RYR2: variants seen among roughly 807,000 people sequenced by gnomAD.
RYR2 encodes the protein cardiac muscle ryanodine receptor-calcium release channel.
Under a neutral mutation model 601.1 loss-of-function variants are expected in RYR2, and 227 were observed. That is an observed-to-expected ratio of 0.38 (90% CI 0.34 to 0.42). The LOEUF is 0.42. RYR2 is among the 10% of genes least tolerant of loss of function. The pLI, the probability that RYR2 is intolerant of heterozygous loss-of-function variation, is 1.00. For synonymous variants in RYR2, 2,223 were observed against 2,175.1 expected (o/e 1.02, Z -0.61); for missense variants, 4,646 against 6,156.5 (o/e 0.75, Z 8.21).
chr1:237,309,689 T>C (rs10925370), intron 2 of RYR2, among the ~76,000 whole-genome samples: 49,553 of 149,440 alleles, frequency 0.33, 8,362 homozygotes, highest in South Asian at 0.51. Context: ...GGGCGGCGCT[T>C]GTCGGGGAGG....
chr1:237,512,091 A>C (rs1665975703), intron 24 of RYR2, among the ~76,000 whole-genome samples: 1 of 152,170 alleles, frequency 6.6e-6, no homozygotes, highest in Non-Finnish European at 1.5e-5. Context: ...AGGTCCACAG[A>C]ATGTGGGCTG....
intron 10 of RYR2, among the ~76,000 whole-genome samples, chr1:237,389,501 G>A (rs527418776): frequency 1.3e-5 from 2 of 152,252 alleles, no homozygotes; most frequent in African/African-American, 4.8e-5. Context: ...TCTGAGTCAC[G>A]GAAATGAAAT....
Position 237,187,443 on chromosome 1 carries a change from C to CTTTTTTTTTTT in RYR2, c.49-83045_49-83035dup, listed in dbSNP as rs10686110. ...GGCGTGAGCCAACACGCCCGGCCGA[C>CTTTTTTTTTTT]TTTTTTTTTTTTTTTTTTTGAGACA... On this transcript the variant is annotated intron_variant, in intron 1 of 104. Transcript: ENST00000366574. Among the ~76,000 whole-genome samples the CTTTTTTTTTTT allele has an allele frequency of 1.0e-4, 9 of 86,762 alleles. 2 individuals carry two copies. Among genetic ancestry groups the CTTTTTTTTTTT allele is most frequent in the Admixed American group, 1.8e-4 (1 of 5,582 alleles). The allele number at this position is 86,762 out of a possible 152,430, so 56.9% of individuals were successfully genotyped here. A position where few individuals can be genotyped will look rare whatever the true frequency, so the allele number is the denominator to read the frequency against.
chr1:237,233,946 C>A (rs1375556807), intron 1 of RYR2, among the ~76,000 whole-genome samples: 5 of 152,096 alleles, frequency 3.3e-5, no homozygotes, highest in Non-Finnish European at 7.3e-5. Flanking sequence ...TCCACCTTGG[C>A]CTCCCAAAGT....
chr1:237,148,084 A>G (rs1674215822), intron 1 of RYR2, among the ~76,000 whole-genome samples: 1 of 152,148 alleles, frequency 6.6e-6, no homozygotes, highest in Non-Finnish European at 1.5e-5. Flanking sequence ...ATGTCGTGTC[A>G]CACATATATT....
intron 2 of RYR2, among the ~76,000 whole-genome samples, chr1:237,308,806 G>C (rs1020155503): frequency 5.9e-5 from 9 of 152,198 alleles, no homozygotes; most frequent in African/African-American, 1.9e-4. Flanking sequence ...GCCTCTGCTG[G>C]CTTGGGCAGC....
intron 29 of RYR2, among the ~76,000 whole-genome samples, chr1:237,582,009 G>A (rs1218385869): frequency 6.6e-6 from 1 of 152,152 alleles, no homozygotes; most frequent in Non-Finnish European, 1.5e-5. Flanking sequence ...GTCTAGTTCA[G>A]TTCTAAGATT....
intron 39 of RYR2, among the ~76,000 whole-genome samples, 171 bp from the exon 40 acceptor site, chr1:237,625,490 G>A (rs925696709): frequency 2.6e-5 from 4 of 152,206 alleles, no homozygotes; most frequent in African/African-American, 9.6e-5. Context: ...AAAAGAGGCT[G>A]ACCAGTGAAT....
intron 21 of RYR2, among the ~76,000 whole-genome samples, chr1:237,501,746 T>A (rs1664662413): frequency 6.6e-6 from 1 of 152,230 alleles, no homozygotes; most frequent in South Asian, 2.1e-4. Flanking sequence ...TTATACAAAT[T>A]ATGTTTCTAT....
chr1:237,107,163 G>A (rs1453412911), intron 1 of RYR2, among the ~76,000 whole-genome samples: 1 of 152,108 alleles, frequency 6.6e-6, no homozygotes, highest in Non-Finnish European at 1.5e-5. Context: ...ATTAAACAAT[G>A]ACATCAAAAC....
chr1:237,150,607 A>G lies in RYR2; in HGVS notation c.48+108038A>G, dbSNP rs1890152. 5.6e-3 allele frequency among the ~76,000 whole-genome samples: 857 copies of G among 152,320 alleles called. 9 individuals are homozygous for G. The highest frequency in any genetic ancestry group is 0.019 in the African/African-American group (807 of 41,582). On this transcript the variant is annotated intron_variant, in intron 1 of 104. Transcript: ENST00000366574. ...AAAGAACACATAGCATAGTCTGTAC[A>G]AACATCTCCTGTATTCTATGAAAGA... is the stretch of plus-strand genomic sequence containing the variant.
At chr1:237,242,238 G>A (rs1490498747) in intron 1 of RYR2, among the ~76,000 whole-genome samples, 1 of 150,054 alleles carries the variant, frequency 6.7e-6, no homozygotes, top group Non-Finnish European at 1.5e-5. Context: ...CAGGTTTGGG[G>A]CAATAAAATC....
chr1:237,116,227 C>T (rs1422332242), intron 1 of RYR2, among the ~76,000 whole-genome samples: 4 of 152,124 alleles, frequency 2.6e-5, no homozygotes, highest in Non-Finnish European at 4.4e-5. Flanking sequence ...ACGACTTGCC[C>T]AACCACTTAC....
At chr1:237,567,043 T>C (rs1421828629) in intron 28 of RYR2, among the ~76,000 whole-genome samples, 1 of 152,142 alleles carries the variant, frequency 6.6e-6, no homozygotes. Flanking sequence ...GATACATATG[T>C]AGAGGAAAAA....
chr1:237,694,676 T>A (rs925914318), intron 63 of RYR2, among the ~76,000 whole-genome samples: 3 of 152,234 alleles, frequency 2.0e-5, no homozygotes, highest in African/African-American at 7.2e-5. Context: ...TTCTTTCAGT[T>A]GAACATAGCA....
chr1:237,458,147 A>G (rs1008998062), intron 16 of RYR2, among the ~76,000 whole-genome samples: 1 of 152,062 alleles, frequency 6.6e-6, no homozygotes, highest in Non-Finnish European at 1.5e-5. Context: ...ACTCTTGATA[A>G]CCGGGCACAG....
At chr1:237,711,335 T>G (rs1008835193) in intron 70 of RYR2, among the ~76,000 whole-genome samples, 1 of 152,220 alleles carries the variant, frequency 6.6e-6, no homozygotes, top group Admixed American at 6.5e-5. Context: ...AATGATATGG[T>G]ATTTTAAAAA....
chr1:237,476,438 A>C, intron 17 of RYR2, among the ~76,000 whole-genome samples: 1 of 132,928 alleles, frequency 7.5e-6, no homozygotes, highest in African/African-American at 2.9e-5. Flanking sequence ...TGAACCTGGG[A>C]GGTGGAGGTT....
chr1:237,475,785 A>G (rs1019762227), intron 17 of RYR2, among the ~76,000 whole-genome samples: 1 of 152,222 alleles, frequency 6.6e-6, no homozygotes, highest in Admixed American at 6.5e-5. Context: ...ACCAGTCACT[A>G]TGTATACTAA....
Sources: allele counts gnomAD v4.1 joint callset (sites outside exome capture counted in the v4.1 genomes callset), GRCh38; gene constraint gnomAD v4.1.1; transcripts MANE v1.5; gene names NCBI Gene and HGNC (gene_info 2026-07-23, HGNC 2026-07-21).